MRPL1: variants seen among roughly 807,000 people sequenced by gnomAD.
MRPL1 encodes large ribosomal subunit protein uL1m.
MRPL1 carries 28 observed loss-of-function variants against 38.0 expected under a neutral mutation model. The observed-to-expected ratio is 0.74, with a 90% CI of 0.55 to 1.01. MRPL1 has a LOEUF of 1.01. Among genes scored for constraint, MRPL1 ranks in the 50% least tolerant of loss-of-function variants. MRPL1 has a pLI of 0.00. For synonymous variants in MRPL1, 123 were observed against 126.7 expected (o/e 0.97, Z 0.20); for missense variants, 358 against 389.8 (o/e 0.92, Z 0.69).
chr4:77,949,468 TCA>T (rs1348814553), intron 7 of MRPL1, among the ~76,000 whole-genome samples: 2 of 152,200 alleles, frequency 1.3e-5, no homozygotes, highest in Non-Finnish European at 2.9e-5. Flanking sequence ...TGAGAAAATG[TCA>T]CTGTTTTCTT....
intron 7 of MRPL1, among the ~76,000 whole-genome samples, chr4:77,929,945 C>T (rs1325217256): frequency 6.6e-6 from 1 of 152,140 alleles, no homozygotes; most frequent in Non-Finnish European, 1.5e-5. Flanking sequence ...ACAAGACACC[C>T]TCTCTCTCCC....
chr4:77,905,874 C>T (rs1736146733), intron 6 of MRPL1, among the ~76,000 whole-genome samples: 1 of 152,142 alleles, frequency 6.6e-6, no homozygotes, highest in Non-Finnish European at 1.5e-5. Flanking sequence ...ATTATGAAGT[C>T]CTTTATGTGT....
At chr4:77,879,300 T>A (rs1735473790) in intron 2 of MRPL1, among the ~76,000 whole-genome samples, 1 of 152,216 alleles carries the variant, frequency 6.6e-6, no homozygotes, top group South Asian at 2.1e-4. Flanking sequence ...GTTCTTTTTT[T>A]AAGAATGCAT....
chr4:77,868,014 C>A (rs191307202), intron 1 of MRPL1, among the ~76,000 whole-genome samples: 3 of 151,880 alleles, frequency 2.0e-5, no homozygotes, highest in East Asian at 1.9e-4. Context: ...CCTCAGCCCC[C>A]CAAAGTGCTG....
chr4:77,920,318 A>T lies in MRPL1; in HGVS notation c.777+10946A>T, dbSNP rs191781900. 9.2e-5 allele frequency among the ~76,000 whole-genome samples: 14 copies of T among 152,282 alleles called. 1 individual carries two copies. The highest frequency in any genetic ancestry group is 8.5e-4 in the Admixed American group (13 of 15,288). On this transcript the variant is annotated intron_variant, in intron 7 of 8. Transcript: ENST00000315567. ...TATACAAATGAAGCCTTTTAAAATGACTTACTCTAATATTTTTTGACAAAT... is the reference window on the plus strand; with the variant it reads ...TATACAAATGAAGCCTTTTAAAATGTCTTACTCTAATATTTTTTGACAAAT...
At chr4:77,911,633 C>A (rs1003257178) in intron 7 of MRPL1, among the ~76,000 whole-genome samples, 2 of 151,988 alleles carry the variant, frequency 1.3e-5, no homozygotes, top group African/African-American at 4.8e-5. Context: ...TATATAAAAT[C>A]ATGGTAATAA....
intron 7 of MRPL1, among the ~76,000 whole-genome samples, chr4:77,941,655 G>A (rs1737134529): frequency 1.3e-5 from 2 of 151,940 alleles, no homozygotes; most frequent in South Asian, 4.1e-4. Flanking sequence ...TTTTCTATGT[G>A]CGTAAAAGTA....
intron 7 of MRPL1, among the ~76,000 whole-genome samples, chr4:77,939,207 G>T (rs1560475385): frequency 6.6e-6 from 1 of 152,064 alleles, no homozygotes; most frequent in Non-Finnish European, 1.5e-5. Flanking sequence ...TAGAAAAATG[G>T]TCCCCAATTC....
At chr4:77,869,253 C>A (rs74477262) in intron 1 of MRPL1, among the ~76,000 whole-genome samples, 1 of 151,988 alleles carries the variant, frequency 6.6e-6, no homozygotes, top group African/African-American at 2.4e-5. Context: ...CTCATTGCCA[C>A]GGGGTGGGAG....
chr4:77,937,484 G>A (rs1737014627), intron 7 of MRPL1, among the ~76,000 whole-genome samples: 1 of 152,180 alleles, frequency 6.6e-6, no homozygotes, highest in African/African-American at 2.4e-5. Context: ...GATTAAGGGG[G>A]AAAACCCAAA....
intron 7 of MRPL1, among the ~76,000 whole-genome samples, chr4:77,935,912 A>G (rs1376353421): frequency 1.4e-5 from 2 of 142,360 alleles, no homozygotes; most frequent in Non-Finnish European, 3.0e-5. Context: ...AGCCTGGGCG[A>G]CAGAGCAAGA....
chr4:77,937,575 C>T (rs1475357963), intron 7 of MRPL1, among the ~76,000 whole-genome samples: 4 of 152,190 alleles, frequency 2.6e-5, no homozygotes, highest in Admixed American at 2.6e-4. Flanking sequence ...TTCAGTCATT[C>T]AGTCTCTCCT....
intron 7 of MRPL1, among the ~76,000 whole-genome samples, chr4:77,947,193 T>C (rs1298981138): frequency 3.3e-5 from 5 of 152,206 alleles, no homozygotes; most frequent in Non-Finnish European, 7.3e-5. Context: ...TGTAGAAGTC[T>C]TCCCATCTAG....
At chr4:77,893,306 A>G (rs1735844461) in intron 5 of MRPL1, among the ~76,000 whole-genome samples, 2 of 152,206 alleles carry the variant, frequency 1.3e-5, no homozygotes, top group South Asian at 4.1e-4. Context: ...TTGTAGAGAC[A>G]GGATTTTGCC....
intron 7 of MRPL1, among the ~76,000 whole-genome samples, chr4:77,916,802 T>C (rs901344232): frequency 2.0e-5 from 3 of 152,190 alleles, no homozygotes; most frequent in African/African-American, 7.2e-5. Flanking sequence ...CAAAGAAATA[T>C]TGCCAAAATT....
chr4:77,862,934 T>A, intron 1 of MRPL1, 55 bp downstream of exon 1: 1 of 1,604,716 alleles, frequency 6.2e-7, no homozygotes, highest in Non-Finnish European at 8.5e-7. Flanking sequence ...AGTCTCTGGT[T>A]GCAGCAGAGT....
At chr4:77,918,381 A>C (rs1413095687) in intron 7 of MRPL1, among the ~76,000 whole-genome samples, 1 of 152,170 alleles carries the variant, frequency 6.6e-6, no homozygotes, top group African/African-American at 2.4e-5. Context: ...TCCAGGGATC[A>C]AGGTTTCCAC....
chr4:77,910,458 G>A (rs1030775008), intron 7 of MRPL1, among the ~76,000 whole-genome samples: 5 of 152,132 alleles, frequency 3.3e-5, no homozygotes, highest in African/African-American at 1.2e-4. Context: ...GCAACGTGGT[G>A]AAACCCCATC....
chr4:77,902,863 A>G (rs1048160987), intron 6 of MRPL1, among the ~76,000 whole-genome samples: 1 of 152,220 alleles, frequency 6.6e-6, no homozygotes, highest in African/African-American at 2.4e-5. Context: ...TTAGTCATGT[A>G]TAAGTTCTCC....
Sources: allele counts gnomAD v4.1 joint callset (sites outside exome capture counted in the v4.1 genomes callset), GRCh38; gene constraint gnomAD v4.1.1; transcripts MANE v1.5; gene names NCBI Gene and HGNC (gene_info 2026-07-23, HGNC 2026-07-21).